KDM4C: variants seen among roughly 807,000 people sequenced by gnomAD.
KDM4C encodes lysine-specific demethylase 4C.
In KDM4C, 81 loss-of-function variants were observed where a neutral mutation model predicts 129.3. The ratio of observed to expected loss-of-function variants is 0.63; its 90% CI spans 0.52 to 0.75. The LOEUF (loss-of-function observed/expected upper bound fraction) is 0.75, where lower values mean the gene tolerates loss of function less well. Among genes scored for constraint, KDM4C ranks in the 30% least tolerant of loss-of-function variants. KDM4C has a pLI of 0.00. For missense variants in KDM4C, 1,457 were observed against 1,304.0 expected (o/e 1.12, Z -1.81); for synonymous variants, 573 against 456.1 (o/e 1.26, Z -3.26).
chr9:6,739,934 G>A (rs192790608), intron 1 of KDM4C, among the ~76,000 whole-genome samples: 33 of 152,160 alleles, frequency 2.2e-4, no homozygotes, highest in Admixed American at 3.3e-4. Flanking sequence ...TCTGTTGCCA[G>A]GCTGGAGTGC....
intron 8 of KDM4C, among the ~76,000 whole-genome samples, chr9:6,967,402 T>G (rs2131661188): frequency 2.2e-5 from 3 of 138,272 alleles, no homozygotes; most frequent in African/African-American, 2.7e-5. Flanking sequence ...CCTGCCTGGG[T>G]GACAGAGCAA....
intron 8 of KDM4C, among the ~76,000 whole-genome samples, chr9:6,946,822 TTAAA>T (rs1421769890): frequency 6.6e-6 from 1 of 152,168 alleles, no homozygotes; most frequent in African/African-American, 2.4e-5. Flanking sequence ...AATTGAATTA[TTAAA>T]TAATTCTAAA....
At position 7,011,825 on chromosome 9, in the gene KDM4C, G is replaced by A; in HGVS notation, c.1914G>A (p.Val638=). Residue 638 remains valine (V), a synonymous_variant, in exon 13 of 22, where the codon GTG becomes GTA. Coordinates refer to ENST00000381309, the MANE Select transcript of KDM4C (RefSeq NM_015061.6). ...FAAEQEYNAT[V]ARMKPHCAIC... The stretch of plus-strand genomic sequence containing the variant: ...CTGAGCAAGAGTATAATGCAACAGT[G>A]GCCAGGATGAAGCCACACTGTGCCA... The A allele has an allele frequency of 6.2e-7, 1 of 1,614,068 alleles. No homozygotes were observed. Among genetic ancestry groups the A allele is most frequent in the South Asian group, 1.1e-5 (1 of 91,080 alleles).
rs1270276883 is a variant in KDM4C, at chr9:6,990,403, G to C, written c.1678-13G>C. On this transcript the variant is annotated splice_polypyrimidine_tract_variant and intron_variant, in intron 11 of 21. Coordinates refer to ENST00000381309, the MANE Select transcript of KDM4C (RefSeq NM_015061.6). The stretch of plus-strand genomic sequence containing the variant: ...ATAATGGTATTTCTCCACCATTTTT[G>C]TTCTATAACTAGATAGCAGAGGGAG... The C allele has an allele frequency of 6.8e-7, 1 of 1,467,824 alleles. No individual in the cohort carries two copies. The highest frequency in any genetic ancestry group is 1.2e-5 in the South Asian group (1 of 85,704). The allele number at this position is 1,467,824 out of a possible 1,614,324, so 90.9% of individuals were successfully genotyped here.
chr9:6,992,369 C>T (rs144994118), intron 12 of KDM4C, among the ~76,000 whole-genome samples: 33 of 152,278 alleles, frequency 2.2e-4, no homozygotes, highest in Admixed American at 1.8e-3. Context: ...TTGATGAAGT[C>T]GTCTCAAGGG....
intron 5 of KDM4C, among the ~76,000 whole-genome samples, chr9:6,854,552 A>AAAC: frequency 6.6e-6 from 1 of 151,024 alleles, no homozygotes; most frequent in South Asian, 2.1e-4. Flanking sequence ...AAAACAAAAA[A>AAAC]AAAACTAACT....
At chr9:6,792,397 T>C (rs1052729771) in intron 1 of KDM4C, among the ~76,000 whole-genome samples, 1 of 152,144 alleles carries the variant, frequency 6.6e-6, no homozygotes, top group African/African-American at 2.4e-5. Context: ...GGAGTCTTAC[T>C]CTGTCGCTCA....
At chr9:6,809,547 A>G (rs1434182098) in intron 3 of KDM4C, among the ~76,000 whole-genome samples, 1 of 152,192 alleles carries the variant, frequency 6.6e-6, no homozygotes, top group Non-Finnish European at 1.5e-5. Context: ...TGCCATAGGA[A>G]AGGTACAAAG....
chr9:6,799,660 T>TA (rs1277724629), intron 2 of KDM4C, among the ~76,000 whole-genome samples: 2 of 146,472 alleles, frequency 1.4e-5, no homozygotes, highest in African/African-American at 2.6e-5. Context: ...TTTTTTTTTT[T>TA]ACAAAACAGA....
intron 19 of KDM4C, among the ~76,000 whole-genome samples, chr9:7,149,497 G>A (rs1045778808): frequency 6.6e-6 from 1 of 152,258 alleles, no homozygotes; most frequent in Non-Finnish European, 1.5e-5. Flanking sequence ...AGGGCACGGG[G>A]CTCCCACTGG....
At chr9:6,907,398 A>G (rs1818506314) in intron 8 of KDM4C, among the ~76,000 whole-genome samples, 2 of 152,068 alleles carry the variant, frequency 1.3e-5, no homozygotes, top group African/African-American at 4.8e-5. Flanking sequence ...TTGCAAGTCT[A>G]TTTTCATGTA....
chr9:6,848,197 G>C lies in KDM4C; in HGVS notation c.436-1310G>C, dbSNP rs773191570. Reference sequence around the variant, plus strand: ...GCGTGAGCCACTGCACCTGGCCAATGCGCTTCTCTAATAGTGCATTAGCAC... The same window carrying C: ...GCGTGAGCCACTGCACCTGGCCAATCCGCTTCTCTAATAGTGCATTAGCAC... On this transcript the variant is annotated intron_variant, in intron 4 of 21. Coordinates refer to ENST00000381309, the MANE Select transcript of KDM4C (RefSeq NM_015061.6). Among the ~76,000 whole-genome samples the C allele has an allele frequency of 7.4e-4, 113 of 152,108 alleles. 1 individual carries two copies. Among genetic ancestry groups the C allele is most frequent in the Non-Finnish European group, 1.1e-3 (77 of 68,036 alleles).
At chr9:7,164,335 C>G (rs1844128650) in intron 19 of KDM4C, among the ~76,000 whole-genome samples, 1 of 143,568 alleles carries the variant, frequency 7.0e-6, no homozygotes, top group Non-Finnish European at 1.5e-5. Context: ...ACTTCCCTGT[C>G]CCCCTGCCAC....
At chr9:7,067,007 AAC>A (rs2132754490) in intron 17 of KDM4C, among the ~76,000 whole-genome samples, 1 of 152,320 alleles carries the variant, frequency 6.6e-6, no homozygotes, top group South Asian at 2.1e-4. Flanking sequence ...TTTTGGAAAC[AAC>A]AAGGAAATTT....
At chr9:7,051,719 T>C (rs1005532199) in intron 17 of KDM4C, among the ~76,000 whole-genome samples, 2 of 152,200 alleles carry the variant, frequency 1.3e-5, no homozygotes, top group East Asian at 1.9e-4. Flanking sequence ...TTCTGAACTC[T>C]AGACTGTCCA....
At chr9:6,850,276 A>G (rs1838601614) in intron 5 of KDM4C, among the ~76,000 whole-genome samples, 1 of 152,102 alleles carries the variant, frequency 6.6e-6, no homozygotes, top group Non-Finnish European at 1.5e-5. Flanking sequence ...CATTTTGTGA[A>G]CCATGAATTG....
At chr9:6,736,524 G>C (rs969400113) in intron 1 of KDM4C, among the ~76,000 whole-genome samples, 1 of 152,138 alleles carries the variant, frequency 6.6e-6, no homozygotes, top group Admixed American at 6.6e-5. Flanking sequence ...TACAGCTCAG[G>C]CTGTTCCTTC....
At chr9:7,047,891 C>T (rs1425890944) in intron 16 of KDM4C, among the ~76,000 whole-genome samples, 1 of 152,000 alleles carries the variant, frequency 6.6e-6, no homozygotes, top group Admixed American at 6.6e-5. Flanking sequence ...GCCCCCTGGG[C>T]ACTGGAGTTA....
intron 5 of KDM4C, among the ~76,000 whole-genome samples, chr9:6,876,735 C>T (rs1330286437): frequency 6.6e-6 from 1 of 152,114 alleles, no homozygotes; most frequent in Admixed American, 6.6e-5. Flanking sequence ...TGACTGAGTG[C>T]CCCTGAAGCC....
Sources: gnomAD v4.1 joint callset for allele counts (sites outside exome capture counted in the v4.1 genomes callset) on GRCh38, gnomAD v4.1.1 for gene constraint, MANE v1.5 for transcripts, NCBI Gene and HGNC (gene_info 2026-07-23, HGNC 2026-07-21) for gene names.